CDH12: variants seen among roughly 807,000 people sequenced by gnomAD.
The protein encoded by CDH12 is cadherin 12.
A neutral mutation model predicts 74.1 loss-of-function variants in CDH12; 41 were observed. The ratio of observed to expected loss-of-function variants is 0.55; its 90% CI spans 0.43 to 0.72. The LOEUF is 0.72. Ranked by LOEUF, CDH12 falls within the 30% of genes least tolerant of loss-of-function variation. CDH12 has a pLI of 0.00. For synonymous variants in CDH12, 399 were observed against 355.0 expected (o/e 1.12, Z -1.39); for missense variants, 945 against 977.2 (o/e 0.97, Z 0.44).
chr5:22,043,942 A>G (rs899173212), intron 5 of CDH12, among the ~76,000 whole-genome samples: 3 of 152,174 alleles, frequency 2.0e-5, no homozygotes, highest in South Asian at 2.1e-4. Context: ...TCAAGAGGTT[A>G]CAAATAAGTG....
intron 3 of CDH12, among the ~76,000 whole-genome samples, chr5:22,220,612 CTTTAA>C (rs2150368502): frequency 7.6e-6 from 1 of 131,268 alleles, no homozygotes; most frequent in African/African-American, 2.6e-5. Flanking sequence ...GATAATTTTT[CTTTAA>C]TTTATCTCTT....
intron 1 of CDH12, among the ~76,000 whole-genome samples, chr5:22,849,679 G>T (rs1737462264): frequency 6.6e-6 from 1 of 152,064 alleles, no homozygotes; most frequent in South Asian, 2.1e-4. Context: ...ATGGGTATCG[G>T]TGTACAGATT....
chr5:22,208,485 T>A (rs1751352112), intron 4 of CDH12, among the ~76,000 whole-genome samples: 1 of 152,252 alleles, frequency 6.6e-6, no homozygotes, highest in South Asian at 2.1e-4. Flanking sequence ...ACTGGCCTCA[T>A]TACTGCAGCT....
intron 1 of CDH12, among the ~76,000 whole-genome samples, chr5:22,563,629 C>A (rs1739164863): frequency 6.6e-6 from 1 of 152,002 alleles, no homozygotes; most frequent in Admixed American, 6.6e-5. Flanking sequence ...ATTTTTATTC[C>A]TTTTCATGGA....
At chr5:21,972,400 T>C (rs1366662650) in intron 6 of CDH12, among the ~76,000 whole-genome samples, 1 of 152,144 alleles carries the variant, frequency 6.6e-6, no homozygotes, top group Non-Finnish European at 1.5e-5. Context: ...CATACAAAGT[T>C]CCATCTGGTC....
rs79799804 is a variant in CDH12 at position 21,846,708 on chromosome 5, T to C, written c.647-4380A>G. On this transcript the variant is annotated intron_variant, in intron 7 of 14. Transcript: ENST00000382254. ...ATTTCTTTTACCCTATAGCTACTTA[T>C]TTTGCAAAAGAAGAAGTTTGTTTTC... is the stretch of plus-strand genomic sequence containing the variant. 5.5e-4 allele frequency among the ~76,000 whole-genome samples: 84 copies of C among 152,270 alleles called. 1 individual carries two copies. The East Asian group carries it at 0.015, about 28-fold the overall frequency.
chr5:22,711,764 A>T lies in CDH12; in HGVS notation c.-523+141294T>A, dbSNP rs1159867148. On this transcript the variant is annotated intron_variant, in intron 1 of 14. Transcript: ENST00000382254. ...AACATGTTGTGAAATAACAAAGGAG[A>T]AATTAAGAGTTGATTGACTGATTTT... is the stretch of plus-strand genomic sequence containing the variant. 3.9e-5 allele frequency among the ~76,000 whole-genome samples: 6 copies of T among 152,050 alleles called. No individual in the cohort carries two copies. In the East Asian group the frequency reaches 1.2e-3, roughly 29 times the overall value.
At chr5:22,121,137 C>A (rs1276904334) in intron 4 of CDH12, among the ~76,000 whole-genome samples, 1 of 152,144 alleles carries the variant, frequency 6.6e-6, no homozygotes, top group African/African-American at 2.4e-5. Flanking sequence ...GAGCTCTTTT[C>A]TACTTCTGAA....
At chr5:22,708,834 C>T (rs1743152126) in intron 1 of CDH12, among the ~76,000 whole-genome samples, 1 of 151,998 alleles carries the variant, frequency 6.6e-6, no homozygotes, top group Non-Finnish European at 1.5e-5. Context: ...TTGCTTTTAT[C>T]AGAGAATCGC....
intron 1 of CDH12, among the ~76,000 whole-genome samples, chr5:22,749,531 C>T (rs1486510995): frequency 1.3e-5 from 2 of 151,996 alleles, no homozygotes; most frequent in African/African-American, 2.4e-5. Flanking sequence ...TATAGGTTTC[C>T]TACATAGAGA....
chr5:22,654,216 TTTTG>T (rs1442309141), intron 1 of CDH12, among the ~76,000 whole-genome samples: 2 of 151,406 alleles, frequency 1.3e-5, no homozygotes, highest in African/African-American at 4.9e-5. Flanking sequence ...CTTTCTTTCT[TTTTG>T]TTTCTTTGTT....
chr5:22,313,031 T>A (rs1738457761), intron 3 of CDH12, among the ~76,000 whole-genome samples: 1 of 152,204 alleles, frequency 6.6e-6, no homozygotes, highest in Non-Finnish European at 1.5e-5. Context: ...GTGCACGTTA[T>A]CAGCATCCTA....
intron 5 of CDH12, among the ~76,000 whole-genome samples, chr5:22,018,058 T>G (rs1737715010): frequency 6.6e-6 from 1 of 152,016 alleles, no homozygotes; most frequent in Admixed American, 6.6e-5. Flanking sequence ...CGTGTCCGGC[T>G]GCCTTCCTTT....
chr5:22,413,525 G>A (rs573884122), intron 2 of CDH12, among the ~76,000 whole-genome samples: 4 of 152,062 alleles, frequency 2.6e-5, no homozygotes, highest in African/African-American at 9.6e-5. Flanking sequence ...GATAGGGGTC[G>A]AAGTAAAATT....
chr5:21,791,978 C>T (rs925658425), intron 10 of CDH12, among the ~76,000 whole-genome samples: 4 of 151,888 alleles, frequency 2.6e-5, no homozygotes, highest in Admixed American at 1.3e-4. Flanking sequence ...GAAAGTACTA[C>T]ACCTCATTGT....
chr5:22,735,957 C>CT (rs375398846), intron 1 of CDH12, among the ~76,000 whole-genome samples: 2 of 151,880 alleles, frequency 1.3e-5, no homozygotes, highest in Non-Finnish European at 3.0e-5. Flanking sequence ...GACTACGTCT[C>CT]TGACACAAAT....
At chr5:21,800,609 T>C (rs1747057890) in intron 10 of CDH12, among the ~76,000 whole-genome samples, 1 of 152,292 alleles carries the variant, frequency 6.6e-6, no homozygotes, top group South Asian at 2.1e-4. Flanking sequence ...GCTGGTCGCT[T>C]GATCTTGGAC....
At chr5:21,922,201 G>A (rs1195906139) in intron 6 of CDH12, among the ~76,000 whole-genome samples, 1 of 152,090 alleles carries the variant, frequency 6.6e-6, no homozygotes, top group Non-Finnish European at 1.5e-5. Flanking sequence ...TTAGAAGAAT[G>A]TATTTGTTTA....
chr5:21,977,124 C>T (rs1001749257), intron 5 of CDH12, among the ~76,000 whole-genome samples: 1 of 151,788 alleles, frequency 6.6e-6, no homozygotes, highest in African/African-American at 2.4e-5. Flanking sequence ...ACCATAAAAA[C>T]CTGGTTGGGT....
Sources: gnomAD v4.1 joint callset for allele counts (sites outside exome capture counted in the v4.1 genomes callset) on GRCh38, gnomAD v4.1.1 for gene constraint, MANE v1.5 for transcripts, NCBI Gene and HGNC (gene_info 2026-07-23, HGNC 2026-07-21) for gene names.